TSHZ2: variants seen among roughly 807,000 people sequenced by gnomAD.
TSHZ2 encodes teashirt zinc finger homeobox 2.
In TSHZ2, 21 loss-of-function variants were observed where a neutral mutation model predicts 74.4. That is an observed-to-expected ratio of 0.28 (90% CI 0.20 to 0.41). The LOEUF (loss-of-function observed/expected upper bound fraction) is 0.41. Ranked by LOEUF, TSHZ2 falls within the 10% of genes least tolerant of loss-of-function variation. TSHZ2 has a pLI of 1.00. For missense variants in TSHZ2, 1,244 were observed against 1,293.5 expected (o/e 0.96, Z 0.59); for synonymous variants, 540 against 515.3 (o/e 1.05, Z -0.65).
chr20:53,245,837 T>G (rs1990188417), intron 1 of TSHZ2, among the ~76,000 whole-genome samples: 1 of 152,082 alleles, frequency 6.6e-6, no homozygotes, highest in Admixed American at 6.6e-5. Context: ...AAGAAATAGG[T>G]CAAAGAGCTG....
At chr20:52,992,799 T>C (rs902773231) in intron 1 of TSHZ2, among the ~76,000 whole-genome samples, 7 of 152,232 alleles carry the variant, frequency 4.6e-5, no homozygotes, top group African/African-American at 1.4e-4. Context: ...GTTAAACAAA[T>C]GTGAGTCCTT....
chr20:53,295,126 C>T (rs534387456), intron 2 of TSHZ2, among the ~76,000 whole-genome samples: 1 of 152,328 alleles, frequency 6.6e-6, no homozygotes, highest in South Asian at 2.1e-4. Context: ...AAATGTTTAA[C>T]TAATGCTTCA....
At chr20:53,383,271 AAAG>A (rs914297345) in intron 2 of TSHZ2, among the ~76,000 whole-genome samples, 4 of 146,416 alleles carry the variant, frequency 2.7e-5, no homozygotes, top group African/African-American at 1.1e-4. Context: ...TCAAAAAAAA[AAAG>A]AAAAAAAGAA....
chr20:53,001,226 G>GTGTGTGTGTGTGTGTGTGTGTA (rs1982417299), intron 1 of TSHZ2, among the ~76,000 whole-genome samples: 1 of 146,718 alleles, frequency 6.8e-6, no homozygotes, highest in African/African-American at 2.5e-5. Context: ...GTGTGTGTGT[G>GTGTGTGTGTGTGTGTGTGTGTA]TGTGTGTGTG....
intron 1 of TSHZ2, among the ~76,000 whole-genome samples, chr20:53,039,783 CA>C (rs1360858331): frequency 0.011 from 1 of 94 alleles, no homozygotes; most frequent in Non-Finnish European, 0.038. Context: ...CCATCTCAAA[CA>C]CACACACACA....
chr20:53,237,636 T>A (rs1321708501), intron 1 of TSHZ2, among the ~76,000 whole-genome samples: 2 of 152,158 alleles, frequency 1.3e-5, no homozygotes, highest in Non-Finnish European at 2.9e-5. Flanking sequence ...CTTGTTAAAG[T>A]GCACATCATT....
At chr20:53,229,210 G>T (rs1989760854) in intron 1 of TSHZ2, among the ~76,000 whole-genome samples, 1 of 150,856 alleles carries the variant, frequency 6.6e-6, no homozygotes, top group African/African-American at 2.5e-5. Context: ...GAGCCCCAAA[G>T]TGACTTCCAT....
At chr20:53,467,588 C>T (rs981070194) in intron 2 of TSHZ2, among the ~76,000 whole-genome samples, 19 of 152,088 alleles carry the variant, frequency 1.2e-4, no homozygotes, top group African/African-American at 4.6e-4. Context: ...TTTGCTGATG[C>T]GGAAACTGAG....
chr20:53,333,750 C>T (rs549862946), intron 2 of TSHZ2, among the ~76,000 whole-genome samples: 4 of 152,206 alleles, frequency 2.6e-5, no homozygotes, highest in Non-Finnish European at 5.9e-5. Context: ...GCCACTGCGC[C>T]CGGCCTGCCA....
intron 1 of TSHZ2, among the ~76,000 whole-genome samples, chr20:53,193,460 C>T (rs1226500930): frequency 5.3e-5 from 8 of 152,118 alleles, no homozygotes; most frequent in African/African-American, 1.7e-4. Context: ...CAACACACCC[C>T]CTTTTGTAAC....
At chr20:53,150,448 A>G (rs530001227) in intron 1 of TSHZ2, among the ~76,000 whole-genome samples, 13 of 152,316 alleles carry the variant, frequency 8.5e-5, no homozygotes, top group Non-Finnish European at 1.9e-4. Context: ...GAATTTTCAC[A>G]TAAATGGTTG....
chr20:53,083,727 C>T (rs777481088), intron 1 of TSHZ2, among the ~76,000 whole-genome samples: 6 of 152,212 alleles, frequency 3.9e-5, no homozygotes, highest in Non-Finnish European at 7.4e-5. Flanking sequence ...TTTGCTTCAC[C>T]GTTATAAAGA....
Position 53,295,431 on chromosome 20 carries a change from T to C in TSHZ2, c.*8+38860T>C, listed in dbSNP as rs77181004. On this transcript the variant is annotated intron_variant, in intron 2 of 2. Transcript: ENST00000371497. ...TTATGTATACGTGTGTGTGTGTGTG[T>C]GCACGTGTATGACTTAAATAGCTCC... is the stretch of plus-strand genomic sequence containing the variant. 1.8e-3 allele frequency among the ~76,000 whole-genome samples: 275 copies of C among 152,012 alleles called. 3 individuals are homozygous for C. In the East Asian group the frequency reaches 0.021, roughly 12 times the overall value.
At chr20:52,975,178 G>A (rs1981282118) in intron 1 of TSHZ2, among the ~76,000 whole-genome samples, 1 of 152,012 alleles carries the variant, frequency 6.6e-6, no homozygotes, top group Non-Finnish European at 1.5e-5. Context: ...TAGAGATAAC[G>A]TCCTTATTGT....
At chr20:53,350,146 A>C (rs931576802) in intron 2 of TSHZ2, among the ~76,000 whole-genome samples, 3 of 152,250 alleles carry the variant, frequency 2.0e-5, no homozygotes, top group Admixed American at 1.3e-4. Context: ...CCTGAATTTA[A>C]TCACATCTGC....
intron 1 of TSHZ2, among the ~76,000 whole-genome samples, chr20:53,111,299 CAAG>C (rs1469114316): frequency 6.6e-5 from 10 of 152,090 alleles, no homozygotes; most frequent in Non-Finnish European, 1.0e-4. Context: ...GAAAGCATGC[CAAG>C]AAGAACAATT....
intron 2 of TSHZ2, among the ~76,000 whole-genome samples, chr20:53,402,149 C>T (rs1384821887): frequency 2.0e-5 from 3 of 152,114 alleles, no homozygotes; most frequent in East Asian, 1.9e-4. Context: ...TTTGCAATTG[C>T]GAATTGTGCT....
chr20:53,092,795 C>A lies in TSHZ2; in HGVS notation c.40+119462C>A, dbSNP rs144666802. Among the ~76,000 whole-genome samples, 170 of 152,264 alleles carry A rather than the reference C, an allele frequency of 1.1e-3. 2 individuals are homozygous for A. The highest frequency in any genetic ancestry group is 3.9e-3 in the African/African-American group (162 of 41,544). ...CATCACGTTTGTTTTGGACATTCTG[C>A]TGGCTAGAAAGAGTAGCATAGACCA... On this transcript the variant is annotated intron_variant, in intron 1 of 2. Coordinates refer to ENST00000371497, the MANE Select transcript of TSHZ2 (RefSeq NM_173485.6).
chr20:53,419,750 C>CCTCCTGACAA (rs1472978669), intron 2 of TSHZ2, among the ~76,000 whole-genome samples: 2 of 152,188 alleles, frequency 1.3e-5, no homozygotes, highest in Admixed American at 1.3e-4. Context: ...CTACTCTAAC[C>CCTCCTGACAA]ACCCTCACTC....
Sources: allele counts gnomAD v4.1 joint callset (sites outside exome capture counted in the v4.1 genomes callset), GRCh38; gene constraint gnomAD v4.1.1; transcripts MANE v1.5; gene names NCBI Gene and HGNC (gene_info 2026-07-23, HGNC 2026-07-21).